The following PHC2 variants were observed in gnomAD, a reference collection of about 807,000 sequenced individuals.
The protein encoded by PHC2 is polyhomeotic-like protein 2.
In PHC2, 29 loss-of-function variants were observed where a neutral mutation model predicts 87.4. The ratio of observed to expected loss-of-function variants is 0.33; its 90% confidence interval spans 0.25 to 0.45. PHC2 has a LOEUF of 0.45. PHC2 is among the 20% of genes least tolerant of loss of function. The pLI is 1.00. For missense variants in PHC2, 857 were observed against 1,136.7 expected (o/e 0.75, Z 3.54); for synonymous variants, 438 against 461.7 (o/e 0.95, Z 0.66).
chr1:33,424,090 T>A (rs1222043915), intron 1 of PHC2, among the ~76,000 whole-genome samples: 1 of 131,096 alleles, frequency 7.6e-6, no homozygotes, highest in African/African-American at 2.8e-5. Flanking sequence ...AGAACGAGAC[T>A]CCGTCTCAAA....
At chr1:33,409,766 G>A (rs1444517386) in intron 1 of PHC2, among the ~76,000 whole-genome samples, 1 of 152,134 alleles carries the variant, frequency 6.6e-6, no homozygotes, top group African/African-American at 2.4e-5. Context: ...CATTGGATAG[G>A]TGTCTCATAA....
At chr1:33,393,862 T>G (rs1436490253) in intron 1 of PHC2, among the ~76,000 whole-genome samples, 1 of 152,208 alleles carries the variant, frequency 6.6e-6, no homozygotes, top group African/African-American at 2.4e-5. Flanking sequence ...TTTACATACT[T>G]GTAAGACAAG....
Position 33,367,101 on chromosome 1 carries a change from TC to T in PHC2, c.976+14del, listed in dbSNP as rs1451556290. ...AGTTTTCTGGGAAAGGATTCCTGCT[TC>T]CTGAAGACCTTACCTGGTGCAATGA... On this transcript the variant is annotated intron_variant, in intron 7 of 14. Transcript: ENST00000683057. 1 of 1,580,428 alleles carries T rather than the reference TC, an allele frequency of 6.3e-7. No individual in the cohort carries two copies. Among genetic ancestry groups the T allele is most frequent in the African/African-American group, 1.3e-5 (1 of 74,118 alleles).
intron 1 of PHC2, among the ~76,000 whole-genome samples, chr1:33,426,290 G>A (rs1171424904): frequency 6.6e-6 from 1 of 151,170 alleles, no homozygotes; most frequent in African/African-American, 2.4e-5. Flanking sequence ...CCAGACAATG[G>A]TGGCAACCAG....
intron 7 of PHC2, among the ~76,000 whole-genome samples, chr1:33,356,259 A>ATATATATATATATG (rs1257379158): frequency 2.4e-5 from 2 of 84,530 alleles, no homozygotes; most frequent in Non-Finnish European, 5.1e-5. Context: ...TTATATATAT[A>ATATATATATATATG]TATATATATA....
At chr1:33,327,270 CCT>C (rs1284555500) in intron 14 of PHC2, among the ~76,000 whole-genome samples, 1 of 152,130 alleles carries the variant, frequency 6.6e-6, no homozygotes, top group Non-Finnish European at 1.5e-5. Context: ...GAGCAGATAG[CCT>C]CTCTCTCTAG....
At chr1:33,356,905 C>CT (rs1357114763) in intron 7 of PHC2, among the ~76,000 whole-genome samples, 7 of 152,098 alleles carry the variant, frequency 4.6e-5, no homozygotes, top group South Asian at 2.1e-4. Context: ...GACGGGGCGG[C>CT]GGCCGGGCGG....
chr1:33,415,609 C>T (rs1416146605), intron 1 of PHC2, among the ~76,000 whole-genome samples: 1 of 151,984 alleles, frequency 6.6e-6, no homozygotes, highest in Non-Finnish European at 1.5e-5. Flanking sequence ...ACCTAGTCCC[C>T]CATAAAAAAT....
intron 7 of PHC2, among the ~76,000 whole-genome samples, chr1:33,356,864 C>T (rs900976870): frequency 4.6e-5 from 7 of 152,002 alleles, no homozygotes; most frequent in African/African-American, 9.7e-5. Context: ...CCAGACAGGG[C>T]GGCCAGGCAG....
At chr1:33,390,456 G>C (rs567279928) in intron 1 of PHC2, among the ~76,000 whole-genome samples, 3 of 152,098 alleles carry the variant, frequency 2.0e-5, no homozygotes, top group African/African-American at 7.2e-5. Flanking sequence ...TTTATGGATA[G>C]GACAGCCACA....
intron 1 of PHC2, among the ~76,000 whole-genome samples, chr1:33,411,074 TTA>T (rs1379331348): frequency 5.9e-5 from 9 of 152,230 alleles, no homozygotes; most frequent in Non-Finnish European, 1.3e-4. Context: ...ATTTCGATAA[TTA>T]TATGTCTTAT....
chr1:33,407,997 GC>G (rs2148387557), intron 1 of PHC2, among the ~76,000 whole-genome samples: 1 of 152,284 alleles, frequency 6.6e-6, no homozygotes, highest in African/African-American at 2.4e-5. Flanking sequence ...GGAGAAAGAG[GC>G]TTTGAATGGT....
intron 6 of PHC2, among the ~76,000 whole-genome samples, 195 bp from the exon 7 acceptor site, chr1:33,367,623 C>T (rs538246451): frequency 6.6e-5 from 10 of 152,224 alleles, no homozygotes; most frequent in East Asian, 1.9e-4. Context: ...CCAGAGGGTT[C>T]GCTGTGACTG....
chr1:33,414,220 A>ACACACACACAC (rs1411308736), intron 1 of PHC2, among the ~76,000 whole-genome samples: 1 of 120,782 alleles, frequency 8.3e-6, no homozygotes. Flanking sequence ...CACACACACA[A>ACACACACACAC]GAAAGGTTAA....
intron 2 of PHC2, among the ~76,000 whole-genome samples, chr1:33,374,342 T>C (rs1648037941): frequency 6.6e-6 from 1 of 152,160 alleles, no homozygotes; most frequent in Non-Finnish European, 1.5e-5. Flanking sequence ...TATATCTGAA[T>C]GCCGTGGCTA....
chr1:33,402,297 G>A (rs1649569465), intron 1 of PHC2, among the ~76,000 whole-genome samples: 1 of 152,102 alleles, frequency 6.6e-6, no homozygotes, highest in African/African-American at 2.4e-5. Flanking sequence ...CAAACACTGG[G>A]GAGGATACAG....
chr1:33,361,396 A>G (rs1392396695), intron 7 of PHC2, among the ~76,000 whole-genome samples: 1 of 152,188 alleles, frequency 6.6e-6, no homozygotes, highest in Non-Finnish European at 1.5e-5. Context: ...GCTGTAGTGC[A>G]ATGGCATGAT....
chr1:33,405,964 C>T (rs1649745128), intron 1 of PHC2, among the ~76,000 whole-genome samples: 1 of 152,120 alleles, frequency 6.6e-6, no homozygotes, highest in African/African-American at 2.4e-5. Flanking sequence ...TAATATTCTG[C>T]AGTTGTTAAG....
intron 1 of PHC2, among the ~76,000 whole-genome samples, chr1:33,413,344 T>C (rs1005475960): frequency 2.0e-5 from 3 of 152,192 alleles, no homozygotes; most frequent in African/African-American, 7.2e-5. Flanking sequence ...GTTGCTAAAT[T>C]GACAAGCATT....
Sources: gnomAD v4.1 joint callset for allele counts (sites outside exome capture counted in the v4.1 genomes callset) on GRCh38, gnomAD v4.1.1 for gene constraint, MANE v1.5 for transcripts, NCBI Gene and HGNC (gene_info 2026-07-23, HGNC 2026-07-21) for gene names.